ZZEF1: variants seen among roughly 807,000 people sequenced by gnomAD.
The protein encoded by ZZEF1 is zinc finger ZZ-type and EF-hand domain-containing protein 1.
A neutral mutation model predicts 342.8 loss-of-function variants in ZZEF1; 157 were observed. The observed-to-expected ratio is 0.46, with a 90% CI of 0.40 to 0.52. The LOEUF (loss-of-function observed/expected upper bound fraction) is 0.52. Among genes scored for constraint, ZZEF1 ranks in the 20% least tolerant of loss-of-function variants. ZZEF1 has a pLI of 0.00. For synonymous variants in ZZEF1, 1,505 were observed against 1,429.1 expected (o/e 1.05, Z -1.20); for missense variants, 3,480 against 3,725.6 (o/e 0.93, Z 1.72).
chr17:4,101,173 TGAGGA>T, intron 9 of ZZEF1, among the ~76,000 whole-genome samples: 2 of 152,114 alleles, frequency 1.3e-5, no homozygotes, highest in East Asian at 3.9e-4. Context: ...AGAGGAGCAC[TGAGGA>T]GAGGAGGTGC....
In ZZEF1 at chr17:4,034,234, A is replaced by G; in HGVS notation, c.6365T>C (p.Val2122Ala). The G allele has an allele frequency of 4.3e-6, 7 of 1,614,224 alleles. No homozygotes were observed. The highest frequency in any genetic ancestry group is 3.4e-6 in the Non-Finnish European group (4 of 1,180,034). The change falls in exon 40 of 55, where the codon GTC becomes GCC. Residue 2122 changes from valine to alanine, a missense_variant. Val to Ala is a moderately conservative substitution (Grantham distance 64). Coordinates refer to ENST00000381638, the MANE Select transcript of ZZEF1 (RefSeq NM_015113.4). Reference sequence around the variant, plus strand: ...ATTCAGGTGGCCTGCGTTTGAGATGACAACCTGAAACATGAGTGGAAGGAC... The same window carrying G: ...ATTCAGGTGGCCTGCGTTTGAGATGGCAACCTGAAACATGAGTGGAAGGAC... Reference protein sequence around the residue: ...EHVLPLMFQVVISNAGHLNET... With the variant: ...EHVLPLMFQVAISNAGHLNET...
At chr17:4,140,123 C>T (rs2058818895) in intron 1 of ZZEF1, among the ~76,000 whole-genome samples, 1 of 152,240 alleles carries the variant, frequency 6.6e-6, no homozygotes, top group Non-Finnish European at 1.5e-5. Context: ...GATGACAACA[C>T]TGCCACATCA....
At chr17:4,115,035 A>T (rs2058372265) in intron 3 of ZZEF1, among the ~76,000 whole-genome samples, 1 of 151,688 alleles carries the variant, frequency 6.6e-6, no homozygotes, top group Non-Finnish European at 1.5e-5. Flanking sequence ...TTTTGTTGAG[A>T]TTTTTTTGAG....
intron 15 of ZZEF1, 26 bp downstream of exon 15, chr17:4,086,460 A>T: frequency 6.2e-7 from 1 of 1,613,536 alleles, no homozygotes. Context: ...ACAGGGTTGT[A>T]TTAAAGAGAA....
rs1379488385 is a variant in ZZEF1 at position 4,142,939 on chromosome 17, G to A, written c.-44C>T. On this transcript the variant is annotated 5_prime_UTR_variant, in exon 1 of 55. Coordinates refer to ENST00000381638, the MANE Select transcript of ZZEF1 (RefSeq NM_015113.4). ...GCCTGGCTCTGCAGCCGCCGCCGCC[G>A]CCTCCCCGCCTCGACCTGTCAACCT... 3.8e-6 allele frequency: 5 copies of A among 1,299,066 alleles called. No individual in the cohort carries two copies. Among genetic ancestry groups the A allele is most frequent in the East Asian group, 3.1e-5 (1 of 31,758 alleles). 80.5% of individuals were successfully genotyped at this position (1,299,066 alleles called of 1,614,324 possible). A position where few individuals can be genotyped will look rare whatever the true frequency, so the allele number is the denominator to read the frequency against.
chr17:4,121,343 G>A (rs1373191046), intron 2 of ZZEF1, among the ~76,000 whole-genome samples: 1 of 152,180 alleles, frequency 6.6e-6, no homozygotes, highest in East Asian at 1.9e-4. Flanking sequence ...GATAATTCAG[G>A]CCGGGTGCAG....
At chr17:4,130,309 C>T (rs2058643177) in intron 1 of ZZEF1, among the ~76,000 whole-genome samples, 1 of 151,922 alleles carries the variant, frequency 6.6e-6, no homozygotes, top group Non-Finnish European at 1.5e-5. Flanking sequence ...AAAAATTAGC[C>T]GGGCGTGGTG....
intron 39 of ZZEF1, 136 bp from the exon 40 acceptor site, chr17:4,034,428 C>T: frequency 1.2e-6 from 1 of 803,890 alleles, no homozygotes; most frequent in Non-Finnish European, 1.9e-6. Flanking sequence ...TCATAAATGC[C>T]ATATGTATAA....
chr17:4,142,002 A>C (rs919781110), intron 1 of ZZEF1, among the ~76,000 whole-genome samples: 3 of 152,208 alleles, frequency 2.0e-5, no homozygotes, highest in Non-Finnish European at 4.4e-5. Context: ...AAATGAGTCT[A>C]ATATATGGTT....
intron 33 of ZZEF1, among the ~76,000 whole-genome samples, chr17:4,054,935 T>G (rs1376154879): frequency 6.6e-6 from 1 of 152,120 alleles, no homozygotes; most frequent in Admixed American, 6.5e-5. Flanking sequence ...GTGGGAAACC[T>G]TGGTGACCGA....
Position 4,123,887 on chromosome 17 carries a change from C to T in ZZEF1, c.499+20G>A, listed in dbSNP as rs976870060. On this transcript the variant is annotated intron_variant, in intron 2 of 54. Coordinates refer to ENST00000381638, the MANE Select transcript of ZZEF1 (RefSeq NM_015113.4). ...AAAGTTCACTTTGGTTCTAAGACAG[C>T]ACCTAGATGGAAGCCTCACCTGGAA... 8.7e-6 allele frequency: 14 copies of T among 1,609,326 alleles called. No homozygotes were observed. Among genetic ancestry groups the T allele is most frequent in the Middle Eastern group, 1.7e-4 (1 of 6,044 alleles).
At chr17:4,048,291 T>G (rs2056969237) in intron 37 of ZZEF1, among the ~76,000 whole-genome samples, 1 of 152,352 alleles carries the variant, frequency 6.6e-6, no homozygotes, top group Non-Finnish European at 1.5e-5. Context: ...ACTGACTCTC[T>G]GGCTGAATGG....
intron 6 of ZZEF1, among the ~76,000 whole-genome samples, chr17:4,108,142 GA>G (rs2058241443): frequency 6.6e-6 from 1 of 152,132 alleles, no homozygotes; most frequent in Non-Finnish European, 1.5e-5. Flanking sequence ...ATTATGAAGT[GA>G]AAAATATTTA....
chr17:4,131,898 G>A (rs1285753550), intron 1 of ZZEF1, among the ~76,000 whole-genome samples: 1 of 152,182 alleles, frequency 6.6e-6, no homozygotes, highest in Non-Finnish European at 1.5e-5. Flanking sequence ...ATTGTAGCGG[G>A]AGGACAGGGG....
intron 38 of ZZEF1, 110 bp downstream of exon 38, chr17:4,044,114 C>CA: frequency 1.7e-6 from 2 of 1,205,838 alleles, no homozygotes; most frequent in Middle Eastern, 4.0e-4. Context: ...AGAAACCACG[C>CA]ACCCCTGGCG....
chr17:4,044,201 G>C, intron 38 of ZZEF1, 23 bp downstream of exon 38: 1 of 1,611,682 alleles, frequency 6.2e-7, no homozygotes, highest in Non-Finnish European at 8.5e-7. Context: ...AAGAGATGAA[G>C]ATAATGGTCA....
chr17:4,129,920 C>T (rs888604164), intron 1 of ZZEF1, among the ~76,000 whole-genome samples: 4 of 152,110 alleles, frequency 2.6e-5, no homozygotes, highest in Non-Finnish European at 5.9e-5. Context: ...GAACAGAAAA[C>T]CAAATACTGC....
intron 1 of ZZEF1, among the ~76,000 whole-genome samples, chr17:4,127,785 A>G (rs1234649556): frequency 6.6e-6 from 1 of 152,196 alleles, no homozygotes; most frequent in Non-Finnish European, 1.5e-5. Flanking sequence ...GAATGCTGGC[A>G]GCTAGCCCCA....
chr17:4,062,687 A>G lies in ZZEF1; in HGVS notation c.4883+66T>C, dbSNP rs1416803858. ...AAATGATGCTGCTATTAATCAGAGA[A>G]GATAATCAGGATTTATTTACAATGA... is the stretch of plus-strand genomic sequence containing the variant. On this transcript the variant is annotated intron_variant, in intron 30 of 54. Transcript: ENST00000381638. 3 of 1,459,208 alleles carry G rather than the reference A, an allele frequency of 2.1e-6. No homozygotes were observed. The Admixed American group carries it at 6.7e-5, about 33-fold the overall frequency. The allele number at this position is 1,459,208 out of a possible 1,614,324, so 90.4% of individuals were successfully genotyped here. A position where few individuals can be genotyped will look rare whatever the true frequency, so the allele number is the denominator to read the frequency against.
Sources: allele counts gnomAD v4.1 joint callset (sites outside exome capture counted in the v4.1 genomes callset), GRCh38; gene constraint gnomAD v4.1.1; transcripts MANE v1.5; gene names NCBI Gene and HGNC (gene_info 2026-07-23, HGNC 2026-07-21).